Variants in PDE10A observed in about 807,000 individuals in gnomAD.
PDE10A encodes phosphodiesterase 10A.
PDE10A carries 39 observed loss-of-function variants against 97.7 expected under a neutral mutation model. That is an observed-to-expected ratio of 0.40 (90% CI 0.31 to 0.52). The LOEUF (loss-of-function observed/expected upper bound fraction) is 0.52, where lower values mean the gene tolerates loss of function less well. Among genes scored for constraint, PDE10A ranks in the 20% least tolerant of loss-of-function variants. The pLI is 0.56. For synonymous variants in PDE10A, 371 were observed against 376.8 expected (o/e 0.98, Z 0.18); for missense variants, 731 against 1,047.8 (o/e 0.70, Z 4.17).
Position 165,853,507 on chromosome 6 carries a change from C to T in PDE10A, c.-615+134022G>A, listed in dbSNP as rs142591354. 2.3e-3 allele frequency among the ~76,000 whole-genome samples: 345 copies of T among 152,308 alleles called. 1 individual carries two copies. The highest frequency in any genetic ancestry group is 7.9e-3 in the African/African-American group (328 of 41,572). On this transcript the variant is annotated intron_variant, in intron 1 of 19. Transcript: ENST00000366882. ...TTCATCTTTATATCAGAGTCATTCA[C>T]GATTTCCATTCAGGATATTATTTTG...
chr6:165,794,357 G>A (rs1258097618), intron 1 of PDE10A, among the ~76,000 whole-genome samples: 2 of 148,422 alleles, frequency 1.3e-5, no homozygotes, highest in East Asian at 4.0e-4. Flanking sequence ...TCACACAGAT[G>A]CTCACACACA....
rs1032292265 is a variant in PDE10A, at chr6:165,819,261, C to G, written c.-615+168268G>C. Among the ~76,000 whole-genome samples the G allele has an allele frequency of 6.6e-6, 1 of 152,216 alleles. No homozygotes were observed. Among genetic ancestry groups the G allele is most frequent in the Non-Finnish European group, 1.5e-5 (1 of 68,040 alleles). ...CGTTGGGATGATTTTTGACTCCTGCCCTCTCCGTCCACACGTCAGCAGTTG... is the reference window on the plus strand; with the variant it reads ...CGTTGGGATGATTTTTGACTCCTGCGCTCTCCGTCCACACGTCAGCAGTTG... On this transcript the variant is annotated intron_variant, in intron 1 of 19. Transcript: ENST00000366882. The surrounding 1 kb of genome is among the most constrained non-coding windows in gnomAD (Gnocchi z 4.2).
Position 165,502,194 on chromosome 6 carries a change from T to TA in PDE10A, c.995-19852dup, listed in dbSNP as rs1337601635. ...ATGTGTATAAGAAAACAGGAGAATA[T>TA]ATTGAGTTAGGCAATGATTTCCTAC... On this transcript the variant is annotated intron_variant, in intron 2 of 21. Coordinates refer to ENST00000539869, the MANE Select transcript of PDE10A (RefSeq NM_001385079.1). Among the ~76,000 whole-genome samples, 12 of 152,272 alleles carry TA rather than the reference T, an allele frequency of 7.9e-5. No individual in the cohort carries two copies. In the East Asian group the frequency reaches 2.3e-3, roughly 29 times the overall value.
At chr6:165,495,085 G>C (rs911243373) in intron 2 of PDE10A, among the ~76,000 whole-genome samples, 12 of 152,112 alleles carry the variant, frequency 7.9e-5, no homozygotes, top group African/African-American at 2.7e-4. Context: ...TAACAATTAT[G>C]CAATTTTAAC....
chr6:165,969,355 T>C (rs1430080547), intron 1 of PDE10A, among the ~76,000 whole-genome samples: 3 of 152,070 alleles, frequency 2.0e-5, no homozygotes, highest in Non-Finnish European at 4.4e-5. Flanking sequence ...GTAGGGACAG[T>C]GTCCTCACTG....
intron 18 of PDE10A, among the ~76,000 whole-genome samples, chr6:165,344,877 T>G (rs1782205217): frequency 6.6e-6 from 1 of 152,196 alleles, no homozygotes; most frequent in Non-Finnish European, 1.5e-5. Flanking sequence ...ACCCTTCCTG[T>G]AACCCCAAAC....
chr6:165,826,293 CA>C, intron 1 of PDE10A, among the ~76,000 whole-genome samples: 1 of 52,728 alleles, frequency 1.9e-5, no homozygotes, highest in East Asian at 1.2e-3. Flanking sequence ...CCTCTGTCCC[CA>C]TGTCCGTCTT....
intron 5 of PDE10A, among the ~76,000 whole-genome samples, chr6:165,446,021 C>CCTAT (rs1290496519): frequency 1.3e-5 from 2 of 152,016 alleles, no homozygotes; most frequent in African/African-American, 4.8e-5. Flanking sequence ...TTCAAAGGAA[C>CCTAT]ATAGAAGAAG....
intron 1 of PDE10A, among the ~76,000 whole-genome samples, chr6:165,642,255 C>T (rs968569908): frequency 2.0e-5 from 3 of 152,150 alleles, no homozygotes; most frequent in African/African-American, 7.2e-5. Flanking sequence ...GGGAGATGTC[C>T]CTAGATGCCC....
intron 2 of PDE10A, among the ~76,000 whole-genome samples, chr6:165,494,263 T>C (rs982263642): frequency 6.6e-6 from 1 of 152,086 alleles, no homozygotes; most frequent in Admixed American, 6.6e-5. Flanking sequence ...AGTGTGGCGA[T>C]TCCTTAAAGA....
intron 1 of PDE10A, among the ~76,000 whole-genome samples, chr6:165,610,988 G>A (rs950493805): frequency 2.6e-5 from 4 of 151,962 alleles, no homozygotes; most frequent in Non-Finnish European, 5.9e-5. Context: ...GGAGAGTTGC[G>A]AGTCTACGTC....
chr6:165,914,555 G>A (rs1323778421), intron 1 of PDE10A, among the ~76,000 whole-genome samples: 3 of 152,158 alleles, frequency 2.0e-5, no homozygotes, highest in East Asian at 3.9e-4. Context: ...GCTGTACAAA[G>A]GTGTCAAGGG....
chr6:165,914,211 T>A (rs1365691320), intron 1 of PDE10A, among the ~76,000 whole-genome samples: 1 of 152,228 alleles, frequency 6.6e-6, no homozygotes, highest in African/African-American at 2.4e-5. Flanking sequence ...CATAGAAACA[T>A]GTTCCATTGC....
chr6:165,857,016 A>T (rs1361965781), intron 1 of PDE10A, among the ~76,000 whole-genome samples: 1 of 152,254 alleles, frequency 6.6e-6, no homozygotes, highest in Non-Finnish European at 1.5e-5. Flanking sequence ...CAGTCTCTAA[A>T]TTTATCAAAT....
chr6:165,903,106 T>A (rs1782159547), intron 1 of PDE10A, among the ~76,000 whole-genome samples: 1 of 152,230 alleles, frequency 6.6e-6, no homozygotes, highest in Non-Finnish European at 1.5e-5. Context: ...TACTTCCTAA[T>A]TAAAATTGAG....
At chr6:165,769,959 A>G (rs573593935) in intron 1 of PDE10A, among the ~76,000 whole-genome samples, 1 of 152,174 alleles carries the variant, frequency 6.6e-6, no homozygotes, top group Non-Finnish European at 1.5e-5. Context: ...CCATTAAGTA[A>G]TTTTCCTTTT....
intron 2 of PDE10A, among the ~76,000 whole-genome samples, chr6:165,517,752 C>T (rs935928070): frequency 5.9e-5 from 9 of 152,198 alleles, no homozygotes; most frequent in East Asian, 1.9e-4. Flanking sequence ...AAGGACGGCA[C>T]AAAAAAGTGC....
chr6:165,481,018 A>G (rs1448478739), intron 3 of PDE10A, among the ~76,000 whole-genome samples: 1 of 152,188 alleles, frequency 6.6e-6, no homozygotes, highest in African/African-American at 2.4e-5. Context: ...AAAAATCACT[A>G]CATAAAGTTT....
At position 165,720,679 on chromosome 6, in the gene PDE10A, C is replaced by T. The variant is rs111423501; in HGVS notation, c.-614-177111G>A. 7.1e-3 allele frequency among the ~76,000 whole-genome samples: 1,079 copies of T among 152,262 alleles called. 12 individuals carry two copies. Among genetic ancestry groups the T allele is most frequent in the African/African-American group, 0.024 (1,009 of 41,528 alleles). On this transcript the variant is annotated intron_variant, in intron 1 of 19. Transcript: ENST00000366882. ...CTGAGAAGCATCTTTGAATAATACC[C>T]GGATAAGCACATATCCTTATGAGAG...
Sources: gnomAD v4.1 joint callset for allele counts (sites outside exome capture counted in the v4.1 genomes callset) on GRCh38, gnomAD v4.1.1 for gene constraint, Gnocchi (gnomAD v3.1) non-coding constraint, MANE v1.5 for transcripts, NCBI Gene and HGNC (gene_info 2026-07-23, HGNC 2026-07-21) for gene names.